TASP1: variants seen among roughly 807,000 people sequenced by gnomAD.
TASP1 encodes the protein taspase 1.
Under a neutral mutation model 56.6 loss-of-function variants are expected in TASP1, and 16 were observed. That is an observed-to-expected ratio of 0.28 (90% CI 0.19 to 0.43). TASP1 has a LOEUF of 0.43. Ranked by LOEUF, TASP1 falls within the 20% of genes least tolerant of loss-of-function variation. The pLI, the probability that TASP1 is intolerant of heterozygous loss-of-function variation, is 1.00. For missense variants in TASP1, 393 were observed against 511.6 expected (o/e 0.77, Z 2.24); for synonymous variants, 179 against 184.2 (o/e 0.97, Z 0.23).
At chr20:13,382,819 T>C in the TASP1 span, among the ~76,000 whole-genome samples, 1 of 152,162 alleles carries the variant, frequency 6.6e-6, no homozygotes, top group Non-Finnish European at 1.5e-5. Context: ...GCCATAATTG[T>C]TGAAAATTAA....
the TASP1 span, among the ~76,000 whole-genome samples, chr20:13,235,305 A>G: frequency 6.6e-6 from 1 of 152,214 alleles, no homozygotes; most frequent in Admixed American, 6.5e-5. Context: ...TTACCATTTC[A>G]TCAGCCAAAG....
intron 10 of TASP1, among the ~76,000 whole-genome samples, chr20:13,504,644 T>C (rs940960140): frequency 3.3e-5 from 5 of 152,088 alleles, no homozygotes; most frequent in Non-Finnish European, 5.9e-5. Context: ...TATTTAAAAA[T>C]ACCTGTAGCT....
chr20:13,452,428 A>C (rs113188944), intron 11 of TASP1, among the ~76,000 whole-genome samples: 4 of 150,930 alleles, frequency 2.7e-5, no homozygotes, highest in African/African-American at 7.4e-5. Flanking sequence ...AAAAAAAAAA[A>C]TTCCTGAAAA....
the TASP1 span, among the ~76,000 whole-genome samples, chr20:13,114,899 T>A: frequency 6.6e-6 from 1 of 152,140 alleles, no homozygotes; most frequent in African/African-American, 2.4e-5. Flanking sequence ...AAAAGGAGGC[T>A]TTTCACTTAG....
At chr20:13,337,563 A>G in the TASP1 span, among the ~76,000 whole-genome samples, 1 of 152,104 alleles carries the variant, frequency 6.6e-6, no homozygotes, top group Non-Finnish European at 1.5e-5. Context: ...TTCCTCACCA[A>G]TTTATGCTGT....
intron 8 of TASP1, among the ~76,000 whole-genome samples, chr20:13,555,864 C>T (rs6109943): frequency 0.011 from 1,694 of 152,178 alleles, 42 homozygotes; most frequent in African/African-American, 0.038. Context: ...ACTTGAAAAT[C>T]GAAATTACCC....
the TASP1 span, among the ~76,000 whole-genome samples, chr20:13,266,618 A>G: frequency 6.6e-6 from 1 of 152,234 alleles, no homozygotes; most frequent in African/African-American, 2.4e-5. Context: ...CATTGTGGGT[A>G]AAGCAATATT....
chr20:13,268,347 CCTCTCTCTCTCTCTCTCTCTCTCT>C, the TASP1 span, among the ~76,000 whole-genome samples: 702 of 66,674 alleles, frequency 0.011, 17 homozygotes, highest in Middle Eastern at 0.038. Context: ...CCTTCTTCTT[CCTCTCTCTCTCTCTCTCTCTCTCT>C]CTCTCTCTCT....
intron 13 of TASP1, among the ~76,000 whole-genome samples, chr20:13,391,749 C>T (rs935652279): frequency 7.9e-5 from 12 of 151,902 alleles, no homozygotes; most frequent in Non-Finnish European, 1.6e-4. Context: ...GGGCAGATCA[C>T]GAGGTCAGGA....
chr20:13,372,901 C>T, the TASP1 span, among the ~76,000 whole-genome samples: 1 of 151,882 alleles, frequency 6.6e-6, no homozygotes, highest in African/African-American at 2.4e-5. Flanking sequence ...AGAAATGTTC[C>T]TCCTGTATAG....
At chr20:13,353,972 C>T in the TASP1 span, among the ~76,000 whole-genome samples, 1 of 152,036 alleles carries the variant, frequency 6.6e-6, no homozygotes, top group African/African-American at 2.4e-5. Flanking sequence ...CAAAAAGTCT[C>T]ACAAAACTTA....
the TASP1 span, among the ~76,000 whole-genome samples, chr20:13,237,441 T>C: frequency 6.6e-6 from 1 of 152,184 alleles, no homozygotes; most frequent in African/African-American, 2.4e-5. Flanking sequence ...AAATGTAATG[T>C]TGAGTGAAGG....
chr20:13,305,686 T>A, the TASP1 span, among the ~76,000 whole-genome samples: 2 of 152,208 alleles, frequency 1.3e-5, no homozygotes, highest in Admixed American at 1.3e-4. Context: ...CAGTTGTTTT[T>A]CTGAGGCTTA....
intron 10 of TASP1, among the ~76,000 whole-genome samples, chr20:13,510,897 T>C (rs1021299158): frequency 6.6e-6 from 1 of 152,202 alleles, no homozygotes; most frequent in Non-Finnish European, 1.5e-5. Context: ...CACAGAATGA[T>C]GGCAAGTGTC....
At chr20:13,360,573 A>C in the TASP1 span, among the ~76,000 whole-genome samples, 1 of 144,000 alleles carries the variant, frequency 6.9e-6, no homozygotes. Flanking sequence ...CTTACTGTTT[A>C]AGCCTAGCCC....
At chr20:13,107,571 G>A in the TASP1 span, among the ~76,000 whole-genome samples, 9 of 152,126 alleles carry the variant, frequency 5.9e-5, no homozygotes, top group African/African-American at 2.2e-4. Context: ...CAGGATATCA[G>A]GAGGCCTGTT....
intron 4 of TASP1, among the ~76,000 whole-genome samples, chr20:13,607,459 T>A (rs992125039): frequency 2.0e-5 from 3 of 152,242 alleles, no homozygotes; most frequent in Admixed American, 6.5e-5. Flanking sequence ...TCTCTGAGGA[T>A]CTATTATGAG....
chr20:13,334,104 A>C, the TASP1 span, among the ~76,000 whole-genome samples: 4 of 152,202 alleles, frequency 2.6e-5, no homozygotes, highest in Non-Finnish European at 5.9e-5. Flanking sequence ...CATCATGGGA[A>C]TTTGAGTGGG....
At chr20:13,622,639 C>T (rs1412887997) in intron 4 of TASP1, among the ~76,000 whole-genome samples, 3 of 152,170 alleles carry the variant, frequency 2.0e-5, no homozygotes, top group African/African-American at 7.2e-5. Flanking sequence ...AGCCTAAATA[C>T]AAGGGCCACA....
Sources: gnomAD v4.1 joint callset for allele counts (sites outside exome capture counted in the v4.1 genomes callset) on GRCh38, gnomAD v4.1.1 for gene constraint, MANE v1.5 for transcripts, NCBI Gene and HGNC (gene_info 2026-07-23, HGNC 2026-07-21) for gene names.